Variants in STX8 observed in about 807,000 individuals in gnomAD.
The protein encoded by STX8 is syntaxin 8.
STX8 carries 23 observed loss-of-function variants against 37.5 expected under a neutral mutation model. The ratio of observed to expected loss-of-function variants is 0.61; its 90% CI spans 0.44 to 0.87. The LOEUF is 0.87. Ranked by LOEUF, STX8 falls within the 40% of genes least tolerant of loss-of-function variation. The probability of loss-of-function intolerance (pLI) is 0.00; values close to 1 mark genes in which losing one functional copy is unlikely to be tolerated. For synonymous variants in STX8, 115 were observed against 99.1 expected (o/e 1.16, Z -0.95); for missense variants, 313 against 284.7 (o/e 1.10, Z -0.71).
At chr17:9,302,149 A>G (rs947096674) in intron 7 of STX8, among the ~76,000 whole-genome samples, 3 of 152,136 alleles carry the variant, frequency 2.0e-5, no homozygotes, top group African/African-American at 4.8e-5. Context: ...TACTCTTTAA[A>G]CTATTTTGGG....
chr17:9,560,044 G>C (rs1413505383), intron 2 of STX8, among the ~76,000 whole-genome samples: 38 of 150,084 alleles, frequency 2.5e-4, no homozygotes, highest in Admixed American at 1.4e-3. Flanking sequence ...TTACAGGCAT[G>C]AGCCACCGCG....
intron 7 of STX8, among the ~76,000 whole-genome samples, chr17:9,377,616 A>G (rs1026386155): frequency 6.6e-6 from 1 of 152,152 alleles, no homozygotes; most frequent in Non-Finnish European, 1.5e-5. Context: ...GTGTACCACA[A>G]TGGCTGGCTA....
At chr17:9,559,932 T>C (rs1160975780) in intron 2 of STX8, among the ~76,000 whole-genome samples, 1 of 148,682 alleles carries the variant, frequency 6.7e-6, no homozygotes, top group Non-Finnish European at 1.5e-5. Context: ...CAGCTAATTT[T>C]TGTATTTTTA....
At chr17:9,529,247 TAGAGAGAGAG>T (rs10536811) in intron 4 of STX8, among the ~76,000 whole-genome samples, 6 of 150,224 alleles carry the variant, frequency 4.0e-5, no homozygotes, top group Non-Finnish European at 8.9e-5. Context: ...ACATAGCTCT[TAGAGAGAGAG>T]AGAGAGAGAG....
intron 6 of STX8, among the ~76,000 whole-genome samples, chr17:9,451,533 T>C (rs1006159050): frequency 2.0e-5 from 3 of 152,342 alleles, no homozygotes; most frequent in Admixed American, 2.0e-4. Context: ...GAAAATATTA[T>C]ATACTTTGCA....
chr17:9,500,959 C>T (rs907420443), intron 5 of STX8, among the ~76,000 whole-genome samples: 38 of 152,108 alleles, frequency 2.5e-4, no homozygotes, highest in Admixed American at 3.9e-4. Context: ...GAGCCAAGAT[C>T]TCGCTACTGC....
At chr17:9,294,995 C>T (rs960746110) in intron 7 of STX8, among the ~76,000 whole-genome samples, 2 of 152,204 alleles carry the variant, frequency 1.3e-5, no homozygotes, top group Non-Finnish European at 2.9e-5. Context: ...ACCGACCCTG[C>T]TGGCACCCTG....
chr17:9,565,430 A>G (rs906712487), intron 2 of STX8, among the ~76,000 whole-genome samples: 3 of 152,056 alleles, frequency 2.0e-5, no homozygotes, highest in African/African-American at 7.2e-5. Flanking sequence ...AGCCTGGCCA[A>G]CATGGCGAAA....
intron 4 of STX8, among the ~76,000 whole-genome samples, chr17:9,525,738 T>G (rs1445836152): frequency 6.6e-6 from 1 of 152,280 alleles, no homozygotes; most frequent in Non-Finnish European, 1.5e-5. Flanking sequence ...TGGTCCAGAG[T>G]TGTTTTGTGC....
intron 7 of STX8, among the ~76,000 whole-genome samples, chr17:9,273,819 G>A (rs1249984837): frequency 1.3e-5 from 2 of 152,182 alleles, no homozygotes; most frequent in African/African-American, 4.8e-5. Context: ...AAGCTGTTTG[G>A]GAGTGGGCGT....
intron 6 of STX8, among the ~76,000 whole-genome samples, chr17:9,471,151 CTTT>C (rs34907512): frequency 7.0e-4 from 36 of 51,268 alleles, no homozygotes; most frequent in Non-Finnish European, 1.1e-3. Flanking sequence ...CCGCACCCTG[CTTT>C]TTTTTTTTTT....
At chr17:9,513,544 G>C (rs1470295465) in intron 4 of STX8, among the ~76,000 whole-genome samples, 5 of 152,164 alleles carry the variant, frequency 3.3e-5, no homozygotes, top group African/African-American at 1.2e-4. Flanking sequence ...AGGATGTTGT[G>C]AAACAGGAAC....
intron 7 of STX8, among the ~76,000 whole-genome samples, chr17:9,301,927 A>T (rs1364788463): frequency 6.6e-6 from 1 of 152,244 alleles, no homozygotes; most frequent in Non-Finnish European, 1.5e-5. Context: ...TATGGTTATT[A>T]GAGTTATTCT....
At chr17:9,460,430 T>C (rs1905328300) in intron 6 of STX8, among the ~76,000 whole-genome samples, 1 of 152,148 alleles carries the variant, frequency 6.6e-6, no homozygotes, top group South Asian at 2.1e-4. Flanking sequence ...CCCAGCTCTT[T>C]GGGAGTCCGA....
chr17:9,427,971 C>G (rs549039116), intron 6 of STX8, among the ~76,000 whole-genome samples: 1 of 152,290 alleles, frequency 6.6e-6, no homozygotes, highest in South Asian at 2.1e-4. Flanking sequence ...CCAGGATATA[C>G]TGACATCATT....
At chr17:9,306,953 A>G (rs1909016157) in intron 7 of STX8, among the ~76,000 whole-genome samples, 1 of 150,118 alleles carries the variant, frequency 6.7e-6, no homozygotes, top group East Asian at 2.0e-4. Flanking sequence ...GTGAAACCCC[A>G]TCTCTACTAA....
intron 2 of STX8, among the ~76,000 whole-genome samples, chr17:9,561,827 A>C (rs1054658928): frequency 4.6e-5 from 7 of 152,130 alleles, no homozygotes; most frequent in African/African-American, 1.4e-4. Context: ...AAAAGGCTTA[A>C]AATGTTATAC....
At chr17:9,347,443 A>G (rs568035131) in intron 7 of STX8, among the ~76,000 whole-genome samples, 24 of 152,358 alleles carry the variant, frequency 1.6e-4, no homozygotes, top group African/African-American at 5.8e-4. Flanking sequence ...TGACCATTTT[A>G]ACAAAAGTAT....
chr17:9,498,461 T>G (rs1904489468), intron 5 of STX8, among the ~76,000 whole-genome samples: 1 of 152,010 alleles, frequency 6.6e-6, no homozygotes, highest in Non-Finnish European at 1.5e-5. Context: ...GTTAGAAGAC[T>G]CAGAGCAAGT....
Sources: gnomAD v4.1 joint callset for allele counts (sites outside exome capture counted in the v4.1 genomes callset) on GRCh38, gnomAD v4.1.1 for gene constraint, MANE v1.5 for transcripts, NCBI Gene and HGNC (gene_info 2026-07-23, HGNC 2026-07-21) for gene names.